The following GDA variants were observed in gnomAD, a reference collection of about 807,000 sequenced individuals.
The protein encoded by GDA is cytoplasmic PSD-95 interactor.
A neutral mutation model predicts 59.6 loss-of-function variants in GDA; 18 were observed. That is an observed-to-expected ratio of 0.30 (90% confidence interval 0.21 to 0.45). The LOEUF (loss-of-function observed/expected upper bound fraction) is 0.45. Ranked by LOEUF, GDA falls within the 20% of genes least tolerant of loss-of-function variation. The pLI, the probability that GDA is intolerant of heterozygous loss-of-function variation, is 1.00. For synonymous variants in GDA, 201 were observed against 201.1 expected, an observed-to-expected ratio of 1.00 and a Z score of 0.00; for missense variants, 427 against 552.3, an observed-to-expected ratio of 0.77 and a Z score of 2.27.
At chr9:72,225,876 G>T in intron 8 of GDA, 92 bp downstream of exon 8, 1 of 618,664 alleles carries the variant, frequency 1.6e-6, no homozygotes, top group Non-Finnish European at 2.8e-6. Flanking sequence ...TTTCTGATAT[G>T]AATACATTTC....
At chr9:72,195,337 CT>C (rs55634274) in intron 1 of GDA, among the ~76,000 whole-genome samples, 162 bp from the exon 2 acceptor site, 13,773 of 119,442 alleles carry the variant, frequency 0.12, 607 homozygotes, top group Admixed American at 0.19. Flanking sequence ...AAACACCTGT[CT>C]TTTTTTTTTT....
intron 1 of GDA, among the ~76,000 whole-genome samples, chr9:72,155,076 A>T (rs1401243893): frequency 6.6e-6 from 1 of 152,190 alleles, no homozygotes; most frequent in Non-Finnish European, 1.5e-5. Flanking sequence ...AACAATGAGA[A>T]GTTAAGTAGG....
At chr9:72,121,317 G>T (rs1000298035) in intron 1 of GDA, among the ~76,000 whole-genome samples, 2 of 152,318 alleles carry the variant, frequency 1.3e-5, no homozygotes, top group African/African-American at 4.8e-5. Context: ...TTCTATCTTG[G>T]CTGGGCGCAG....
chr9:72,177,147 G>A (rs1677514252), intron 1 of GDA, among the ~76,000 whole-genome samples: 1 of 142,768 alleles, frequency 7.0e-6, no homozygotes, highest in Middle Eastern at 4.2e-3. Context: ...TGCCTGGGCT[G>A]GAGTGCAGTG....
intron 12 of GDA, among the ~76,000 whole-genome samples, chr9:72,245,733 T>C (rs552129388): frequency 5.9e-5 from 9 of 152,206 alleles, no homozygotes; most frequent in Non-Finnish European, 1.0e-4. Flanking sequence ...TAGGTAGAGT[T>C]TGGATTCACA....
chr9:72,158,470 A>G (rs991176492), intron 1 of GDA, among the ~76,000 whole-genome samples: 3 of 151,868 alleles, frequency 2.0e-5, no homozygotes, highest in Admixed American at 2.0e-4. Flanking sequence ...GCAGGCGCCT[A>G]TAGTCCCAGC....
At chr9:72,234,894 G>A (rs1180238790) in intron 10 of GDA, among the ~76,000 whole-genome samples, 1 of 152,188 alleles carries the variant, frequency 6.6e-6, no homozygotes, top group Non-Finnish European at 1.5e-5. Flanking sequence ...ACAAAGCAGT[G>A]TTAGCCAAGA....
chr9:72,257,976 G>GTC (rs1431335657), downstream of GDA, among the ~76,000 whole-genome samples: 1 of 150,398 alleles, frequency 6.6e-6, no homozygotes, highest in Non-Finnish European at 1.5e-5. Context: ...AGTCATGACA[G>GTC]AATCCTAGTG....
chr9:72,244,582 GT>G (rs1188147615), intron 11 of GDA, among the ~76,000 whole-genome samples: 3 of 151,988 alleles, frequency 2.0e-5, no homozygotes, highest in Non-Finnish European at 2.9e-5. Flanking sequence ...GAGAAGTGAG[GT>G]TTTTTTTCCA....
intron 1 of GDA, among the ~76,000 whole-genome samples, chr9:72,158,872 CCATCAT>C (rs113332500): frequency 0.18 from 27,659 of 150,648 alleles, 2,827 homozygotes; most frequent in African/African-American, 0.29. Flanking sequence ...GGTAAGGACA[CCATCAT>C]CATCATCATC....
downstream of GDA, among the ~76,000 whole-genome samples, chr9:72,255,163 A>G (rs1840856424): frequency 1.3e-5 from 2 of 152,204 alleles, no homozygotes; most frequent in South Asian, 4.1e-4. Flanking sequence ...TTGACAACAT[A>G]TGAGTTCTTG....
intron 1 of GDA, among the ~76,000 whole-genome samples, chr9:72,165,544 G>A (rs187846239): frequency 3.5e-4 from 53 of 152,270 alleles, no homozygotes; most frequent in Admixed American, 1.2e-3. Context: ...GTTTAAAAAT[G>A]CGGTTGGTAT....
In GDA at chr9:72,249,846, C is replaced by T. The variant is rs934277053; in HGVS notation, c.*1504C>T. 38 of 963,872 alleles carry T rather than the reference C, an allele frequency of 3.9e-5. No homozygotes were observed. The African/African-American group carries it at 6.7e-4, about 17-fold the overall frequency. 59.7% of individuals were successfully genotyped at this position (963,872 alleles called of 1,614,324 possible). On this transcript the variant is annotated 3_prime_UTR_variant, in exon 14 of 14. Coordinates refer to ENST00000358399, the MANE Select transcript of GDA (RefSeq NM_004293.5). ...TCCGTATTTACAGAACAAAAAAACACAGTTCCCCCTCCTGTAGTATAAATT... is the reference window on the plus strand; with the variant it reads ...TCCGTATTTACAGAACAAAAAAACATAGTTCCCCCTCCTGTAGTATAAATT...
intron 1 of GDA, among the ~76,000 whole-genome samples, chr9:72,170,402 C>G (rs1316942819): frequency 6.6e-6 from 1 of 152,158 alleles, no homozygotes; most frequent in Non-Finnish European, 1.5e-5. Context: ...ATAGATCTTT[C>G]TTAGCACATA....
At chr9:72,245,064 G>A in intron 11 of GDA, 84 bp from the exon 12 acceptor site, 1 of 1,350,042 alleles carries the variant, frequency 7.4e-7, no homozygotes, top group Non-Finnish European at 1.0e-6. Context: ...GCGACATGTT[G>A]GCAAAATCTG....
At chr9:72,215,901 A>G (rs1374692210) in intron 5 of GDA, among the ~76,000 whole-genome samples, 1 of 152,252 alleles carries the variant, frequency 6.6e-6, no homozygotes, top group Non-Finnish European at 1.5e-5. Flanking sequence ...TAGTGACATC[A>G]TTTATAGAAG....
At chr9:72,183,381 C>T (rs1209186428) in intron 1 of GDA, among the ~76,000 whole-genome samples, 4 of 152,136 alleles carry the variant, frequency 2.6e-5, no homozygotes, top group Non-Finnish European at 5.9e-5. Flanking sequence ...GCATTCTCAG[C>T]CTTGACTGCT....
rs1286540800 is a variant in GDA at position 72,252,154 on chromosome 9, T to A, written c.*3812T>A. On this transcript the variant is annotated 3_prime_UTR_variant, in exon 14 of 14. Coordinates refer to ENST00000358399, the MANE Select transcript of GDA (RefSeq NM_004293.5). ...TTTTCTCAATATTTGTATGATTCGC[T>A]TACTGTTATTGTGCTGAGTGAGCTC... 3 of 152,622 alleles carry A rather than the reference T, an allele frequency of 2.0e-5. No homozygotes were observed. The highest frequency in any genetic ancestry group is 2.9e-5 in the Non-Finnish European group (2 of 68,036). 9.5% of individuals were successfully genotyped at this position (152,622 alleles called of 1,614,324 possible).
intron 6 of GDA, among the ~76,000 whole-genome samples, chr9:72,222,515 T>A (rs1397379170): frequency 6.6e-6 from 1 of 152,212 alleles, no homozygotes; most frequent in Non-Finnish European, 1.5e-5. Flanking sequence ...CTGTTGGTTG[T>A]CTGTTTACTC....
Sources: allele counts gnomAD v4.1 joint callset (sites outside exome capture counted in the v4.1 genomes callset), GRCh38; gene constraint gnomAD v4.1.1; transcripts MANE v1.5; gene names NCBI Gene and HGNC (gene_info 2026-07-23, HGNC 2026-07-21).